The following SGSM2 variants were observed in gnomAD, a reference collection of about 807,000 sequenced individuals.
The protein encoded by SGSM2 is RUN and TBC1 domain containing 1.
A neutral mutation model predicts 126.6 loss-of-function variants in SGSM2; 89 were observed. That is an observed-to-expected ratio of 0.70 (90% confidence interval 0.59 to 0.84). The LOEUF (loss-of-function observed/expected upper bound fraction) is 0.84, where lower values mean the gene tolerates loss of function less well. Ranked by LOEUF, SGSM2 falls within the 40% of genes least tolerant of loss-of-function variation. The probability of loss-of-function intolerance (pLI) is 0.00; values close to 1 mark genes in which losing one functional copy is unlikely to be tolerated. For synonymous variants in SGSM2, 614 were observed against 574.3 expected, an observed-to-expected ratio of 1.07 and a Z score of -0.99; for missense variants, 1,404 against 1,416.6, an observed-to-expected ratio of 0.99 and a Z score of 0.14.
intron 2 of SGSM2, among the ~76,000 whole-genome samples, chr17:2,351,134 T>G (rs758902222): frequency 2.0e-5 from 3 of 152,042 alleles, no homozygotes; most frequent in Non-Finnish European, 4.4e-5. Flanking sequence ...GTGCCTGTAA[T>G]CCCAGCTACT....
chr17:2,369,850 C>T (rs1261660263), intron 12 of SGSM2, among the ~76,000 whole-genome samples: 3 of 152,200 alleles, frequency 2.0e-5, no homozygotes, highest in Non-Finnish European at 4.4e-5. Flanking sequence ...TCCCCTTCTT[C>T]CCAGAGTCTC....
intron 2 of SGSM2, 55 bp from the exon 3 acceptor site, chr17:2,361,582 C>G (rs1193492297): frequency 6.3e-7 from 1 of 1,584,830 alleles, no homozygotes; most frequent in East Asian, 2.3e-5. Context: ...AGGAGCTTTT[C>G]TTCCTGCTCC....
chr17:2,368,053 C>T (rs2065678840), intron 12 of SGSM2, among the ~76,000 whole-genome samples: 1 of 152,194 alleles, frequency 6.6e-6, no homozygotes, highest in African/African-American at 2.4e-5. Context: ...CAGATATGCC[C>T]CTGGTTCACT....
chr17:2,346,979 C>T (rs1329957080), intron 2 of SGSM2, among the ~76,000 whole-genome samples: 1 of 152,118 alleles, frequency 6.6e-6, no homozygotes, highest in East Asian at 1.9e-4. Context: ...GTCCCAGCTA[C>T]TCCAGAGGCT....
chr17:2,376,717 TC>T lies in SGSM2; in HGVS notation c.2610-11del, dbSNP rs759751629. On this transcript the variant is annotated splice_polypyrimidine_tract_variant and intron_variant, in intron 19 of 23. Coordinates refer to ENST00000268989, the MANE Select transcript of SGSM2 (RefSeq NM_014853.3). ...GAATGGGGCACAGCCACAGTGACTC[TC>T]CCCCTGCCTTTCAGCTACGTGTGGG... is the stretch of plus-strand genomic sequence containing the variant. 68 of 1,613,154 alleles carry T rather than the reference TC, an allele frequency of 4.2e-5. 1 individual carries two copies. In the South Asian group the frequency reaches 4.7e-4, roughly 11 times the overall value.
chr17:2,345,600 A>G (rs2064568383), intron 2 of SGSM2, among the ~76,000 whole-genome samples: 1 of 151,438 alleles, frequency 6.6e-6, no homozygotes, highest in Non-Finnish European at 1.5e-5. Context: ...TGTCTCAAAA[A>G]AAAAAAAAAA....
At chr17:2,369,769 G>A (rs191787490) in intron 12 of SGSM2, among the ~76,000 whole-genome samples, 7 of 148,838 alleles carry the variant, frequency 4.7e-5, no homozygotes, top group East Asian at 4.1e-4. Flanking sequence ...GGCTCCTCCC[G>A]GGACTGTCCT....
At position 2,375,803 on chromosome 17, in the gene SGSM2, C is replaced by G; in HGVS notation, c.2412C>G (p.Ser804Arg). 1 of 1,566,558 alleles carries G rather than the reference C, an allele frequency of 6.4e-7. No individual in the cohort carries two copies. Among genetic ancestry groups the G allele is most frequent in the Non-Finnish European group, 8.6e-7 (1 of 1,156,816 alleles). The change falls in exon 18 of 24, where the codon AGC (serine) becomes AGG (arginine). Residue 804 changes from serine (S) to arginine (R), a missense_variant. Ser to Arg is a moderately radical substitution (Grantham distance 110). Transcript: ENST00000268989. ...AHTLREPQDP[S>R]QEKPQAGELE... ...CTTTGAGGGAGCCCCAGGATCCCAGCCAGGAGAAGCCTCAGGCCGGAGAAC... is the reference window on the plus strand; with the variant it reads ...CTTTGAGGGAGCCCCAGGATCCCAGGCAGGAGAAGCCTCAGGCCGGAGAAC...
chr17:2,366,956 C>A (rs1373527253), intron 11 of SGSM2: 3 of 317,340 alleles, frequency 9.5e-6, no homozygotes, highest in Non-Finnish European at 1.8e-5. Flanking sequence ...GGGCCGATGA[C>A]CTCCTGGGCT....
chr17:2,364,679 C>G lies in SGSM2; in HGVS notation c.1000+16C>G, dbSNP rs763033694. The G allele has an allele frequency of 6.8e-6, 11 of 1,614,096 alleles. No individual in the cohort carries two copies. In the South Asian group the frequency reaches 1.2e-4, roughly 18 times the overall value. On this transcript the variant is annotated intron_variant, in intron 9 of 23. Transcript: ENST00000268989. Reference sequence around the variant, plus strand: ...CACCAGCAAAGTAAGCCTGCCTTGTCCTCGGCTCGGGTGGGAAGGGAGAGG... The same window carrying G: ...CACCAGCAAAGTAAGCCTGCCTTGTGCTCGGCTCGGGTGGGAAGGGAGAGG...
In SGSM2 at chr17:2,372,131, T is replaced by A; in HGVS notation, c.1578-59T>A. ...CCAGGACAGAGCCTCCTCCCTTCTC[T>A]CTCTCCTCCCACCAGAGGGGCCGCA... On this transcript the variant is annotated intron_variant, in intron 13 of 23. Transcript: ENST00000268989. The surrounding 1 kb of genome is among the most constrained non-coding windows in gnomAD (Gnocchi z 6.0). 6.3e-7 allele frequency: 1 copy of A among 1,597,614 alleles called. No individual in the cohort carries two copies. The highest frequency in any genetic ancestry group is 1.7e-5 in the Admixed American group (1 of 59,922).
rs527792551 is a variant in SGSM2 at position 2,371,241 on chromosome 17, T to G, written c.1424-21T>G. On this transcript the variant is annotated intron_variant, in intron 12 of 23. Transcript: ENST00000268989. The stretch of plus-strand genomic sequence containing the variant: ...GAGAAGGTGTCTCAGGCCCTGACCA[T>G]GCCACCCTTCCTGCCCGCAGACGCT... 6.2e-6 allele frequency: 10 copies of G among 1,605,504 alleles called. No individual in the cohort carries two copies. The South Asian group carries it at 8.9e-5, about 14-fold the overall frequency.
chr17:2,376,580 G>T, intron 19 of SGSM2, 153 bp from the exon 20 acceptor site: 1 of 858,058 alleles, frequency 1.2e-6, no homozygotes, highest in Middle Eastern at 3.4e-4. Context: ...GTTGTTCCCC[G>T]TTGTCTCCCT....
At chr17:2,373,223 C>T in intron 16 of SGSM2, 108 bp from the exon 17 acceptor site, 2 of 1,537,588 alleles carry the variant, frequency 1.3e-6, no homozygotes, top group Non-Finnish European at 1.8e-6. Flanking sequence ...ACCCTGAGGC[C>T]CGTCTTGAGT....
chr17:2,339,140 G>C lies in SGSM2; in HGVS notation c.57+1395G>C, dbSNP rs546268882. 2.6e-5 allele frequency among the ~76,000 whole-genome samples: 4 copies of C among 151,580 alleles called. No individual in the cohort carries two copies. The South Asian group carries it at 8.4e-4, about 32-fold the overall frequency. On this transcript the variant is annotated intron_variant, in intron 1 of 23. Coordinates refer to ENST00000268989, the MANE Select transcript of SGSM2 (RefSeq NM_014853.3). ...GCGTCTGGACTCTCATAACATCCTG[G>C]AAAGTGGACAGGCGCGGTGGCTTAC...
rs924401613 is a variant in SGSM2 at position 2,379,762 on chromosome 17, G to A, written c.*242G>A. On this transcript the variant is annotated 3_prime_UTR_variant, in exon 24 of 24. Coordinates refer to ENST00000268989, the MANE Select transcript of SGSM2 (RefSeq NM_014853.3). ...GCCTCAGGGAGCAGCTGCCTTGGGG[G>A]ACACACCTACTCTGCTCCCCTCTCA... is the stretch of plus-strand genomic sequence containing the variant. 3 of 1,393,068 alleles carry A rather than the reference G, an allele frequency of 2.2e-6. No homozygotes were observed. The highest frequency in any genetic ancestry group is 2.8e-6 in the Non-Finnish European group (3 of 1,071,968). The allele number at this position is 1,393,068 out of a possible 1,614,324, so 86.3% of individuals were successfully genotyped here. A position where few individuals can be genotyped will look rare whatever the true frequency, so the allele number is the denominator to read the frequency against.
chr17:2,376,313 A>G (rs775479398), intron 19 of SGSM2, 52 bp downstream of exon 19: 2 of 1,494,170 alleles, frequency 1.3e-6, no homozygotes, highest in Non-Finnish European at 1.8e-6. Context: ...GCCGCCAGTT[A>G]CTCTGTGAAG....
At chr17:2,341,444 G>A (rs962090236) in intron 1 of SGSM2, among the ~76,000 whole-genome samples, 5 of 152,150 alleles carry the variant, frequency 3.3e-5, no homozygotes, top group Non-Finnish European at 7.4e-5. Context: ...CCTTTTACCT[G>A]AGCACTAACC....
At position 2,371,251 on chromosome 17, in the gene SGSM2, C is replaced by A. The variant is rs1490812687; in HGVS notation, c.1424-11C>A. On this transcript the variant is annotated splice_polypyrimidine_tract_variant and intron_variant, in intron 12 of 23. Transcript: ENST00000268989. ...CTCAGGCCCTGACCATGCCACCCTT[C>A]CTGCCCGCAGACGCTGGTGACATGA... The A allele has an allele frequency of 6.2e-7, 1 of 1,608,882 alleles. No homozygotes were observed. Among genetic ancestry groups the A allele is most frequent in the East Asian group, 2.2e-5 (1 of 44,700 alleles).
Sources: allele counts gnomAD v4.1 joint callset (sites outside exome capture counted in the v4.1 genomes callset), GRCh38; gene constraint gnomAD v4.1.1; non-coding constraint Gnocchi (gnomAD v3.1); transcripts MANE v1.5; gene names NCBI Gene and HGNC (gene_info 2026-07-23, HGNC 2026-07-21).